The following DLG2 variants were observed in gnomAD, a reference collection of about 807,000 sequenced individuals.
The protein encoded by DLG2 is disks large homolog 2.
Under a neutral mutation model 132.5 loss-of-function variants are expected in DLG2, and 45 were observed. The ratio of observed to expected loss-of-function variants is 0.34; its 90% CI spans 0.27 to 0.44. DLG2 has a LOEUF of 0.44. Ranked by LOEUF, DLG2 falls within the 20% of genes least tolerant of loss-of-function variation. The pLI, the probability that DLG2 is intolerant of heterozygous loss-of-function variation, is 1.00. For missense variants in DLG2, 1,045 were observed against 1,196.9 expected, an observed-to-expected ratio of 0.87 and a Z score of 1.87; for synonymous variants, 424 against 419.6, an observed-to-expected ratio of 1.01 and a Z score of -0.13.
intron 19 of DLG2, among the ~76,000 whole-genome samples, chr11:83,606,986 T>C (rs562449747): frequency 9.1e-4 from 138 of 152,254 alleles, no homozygotes; most frequent in Non-Finnish European, 1.3e-3. Flanking sequence ...AGGAGTTTAA[T>C]TGAGCAATGA....
At chr11:85,485,151 A>G (rs1003314847) in intron 3 of DLG2, among the ~76,000 whole-genome samples, 1 of 151,752 alleles carries the variant, frequency 6.6e-6, no homozygotes, top group Admixed American at 6.6e-5. Context: ...GAATTGAACA[A>G]TGAGAACACA....
intron 3 of DLG2, among the ~76,000 whole-genome samples, chr11:85,377,813 G>GTT (rs2085539953): frequency 7.1e-6 from 1 of 141,296 alleles, no homozygotes; most frequent in African/African-American, 2.6e-5. Context: ...ATGTGTGTGT[G>GTT]TGTGTGTGTG....
intron 3 of DLG2, among the ~76,000 whole-genome samples, chr11:85,320,162 T>TA (rs1202314224): frequency 6.6e-6 from 1 of 151,908 alleles, no homozygotes; most frequent in East Asian, 1.9e-4. Flanking sequence ...TATGCTGTGA[T>TA]AAAAATATTG....
chr11:85,363,731 GA>G lies in DLG2; in HGVS notation c.41-78367del, dbSNP rs541799051. Among the ~76,000 whole-genome samples the G allele has an allele frequency of 9.2e-5, 14 of 152,232 alleles. No individual in the cohort carries two copies. The South Asian group carries it at 2.9e-3, about 32-fold the overall frequency. ...CATCATGCTAGGATCTAGTCATTTG[GA>G]AAAAATTTTAAGTGCTTTGGCATTT... On this transcript the variant is annotated intron_variant, in intron 3 of 27. Transcript: ENST00000376104.
chr11:85,173,879 C>T (rs988505336), intron 4 of DLG2, among the ~76,000 whole-genome samples: 9 of 151,990 alleles, frequency 5.9e-5, no homozygotes, highest in Admixed American at 1.3e-4. Flanking sequence ...TAAAGAAGGG[C>T]GTTACACAAG....
intron 6 of DLG2, among the ~76,000 whole-genome samples, chr11:84,975,597 G>A (rs1340176805): frequency 6.6e-6 from 1 of 152,118 alleles, no homozygotes; most frequent in Non-Finnish European, 1.5e-5. Flanking sequence ...ACTGTCTTAT[G>A]TGAGGGGAAA....
At chr11:84,661,357 G>C (rs1196807197) in intron 6 of DLG2, among the ~76,000 whole-genome samples, 1 of 152,154 alleles carries the variant, frequency 6.6e-6, no homozygotes, top group African/African-American at 2.4e-5. Flanking sequence ...ATGTAGCTGA[G>C]AACCAGGTTA....
chr11:84,866,720 A>C (rs2084627554), intron 6 of DLG2, among the ~76,000 whole-genome samples: 1 of 152,300 alleles, frequency 6.6e-6, no homozygotes, highest in Non-Finnish European at 1.5e-5. Flanking sequence ...AACTTATCTC[A>C]TATTGTCTCA....
chr11:84,823,609 A>ACG (rs1386914139), intron 6 of DLG2, among the ~76,000 whole-genome samples: 1 of 150,752 alleles, frequency 6.6e-6, no homozygotes, highest in East Asian at 2.0e-4. Context: ...ACACACACAC[A>ACG]CACACACACA....
Position 83,577,592 on chromosome 11 carries a change from T to C in DLG2, c.1941-35734A>G, listed in dbSNP as rs1368928396. The stretch of plus-strand genomic sequence containing the variant: ...TATATATATATATATATATATCCTA[T>C]TTATAATAGGATATATATTATAACA... On this transcript the variant is annotated intron_variant, in intron 19 of 27. Coordinates refer to ENST00000376104, the MANE Select transcript of DLG2 (RefSeq NM_001142699.3). Among the ~76,000 whole-genome samples the C allele has an allele frequency of 8.6e-5, 6 of 69,866 alleles. No homozygotes were observed. The East Asian group carries it at 2.6e-3, about 30-fold the overall frequency. 45.8% of individuals were successfully genotyped at this position (69,866 alleles called of 152,430 possible). A position where few individuals can be genotyped will look rare whatever the true frequency, so the allele number is the denominator to read the frequency against.
chr11:83,946,687 T>C (rs894942978), intron 14 of DLG2, among the ~76,000 whole-genome samples: 2 of 152,250 alleles, frequency 1.3e-5, no homozygotes. Flanking sequence ...AAGTTCTTTT[T>C]TCAAGGGAAG....
chr11:84,151,793 A>C, intron 9 of DLG2, among the ~76,000 whole-genome samples: 1 of 152,150 alleles, frequency 6.6e-6, no homozygotes, highest in East Asian at 1.9e-4. Context: ...CCTTAATGTT[A>C]TTATTCACCC....
chr11:83,633,464 C>A, intron 18 of DLG2, 139 bp from the exon 19 acceptor site: 1 of 651,390 alleles, frequency 1.5e-6, no homozygotes, highest in South Asian at 1.8e-5. Context: ...AAGGGTATGC[C>A]TGTTTCCTAT....
intron 8 of DLG2, among the ~76,000 whole-genome samples, chr11:84,197,780 G>C (rs959342771): frequency 5.9e-5 from 9 of 152,108 alleles, no homozygotes; most frequent in African/African-American, 2.2e-4. Context: ...TAGATAAACA[G>C]CTAATCCTAA....
chr11:83,519,807 C>A (rs963516284), intron 21 of DLG2, among the ~76,000 whole-genome samples: 3 of 152,182 alleles, frequency 2.0e-5, no homozygotes, highest in Admixed American at 2.0e-4. Context: ...CTTTTACCTG[C>A]AACAAAGCAA....
At chr11:83,850,862 A>G (rs1285939130) in intron 16 of DLG2, among the ~76,000 whole-genome samples, 1 of 152,150 alleles carries the variant, frequency 6.6e-6, no homozygotes, top group Non-Finnish European at 1.5e-5. Flanking sequence ...TTATGTGTTG[A>G]ATTTTGTGTC....
At chr11:84,367,928 G>T (rs2154427038) in intron 7 of DLG2, among the ~76,000 whole-genome samples, 1 of 152,216 alleles carries the variant, frequency 6.6e-6, no homozygotes, top group South Asian at 2.1e-4. Flanking sequence ...ACTCTAGAAA[G>T]CTTTGATCAG....
intron 18 of DLG2, among the ~76,000 whole-genome samples, chr11:83,673,324 T>C (rs1188862272): frequency 3.9e-5 from 6 of 152,174 alleles, no homozygotes; most frequent in Non-Finnish European, 7.3e-5. Context: ...ACTTTGTCAA[T>C]AGGCTAAACA....
chr11:85,140,944 A>G (rs899334676), intron 5 of DLG2, among the ~76,000 whole-genome samples: 3 of 151,800 alleles, frequency 2.0e-5, no homozygotes, highest in Non-Finnish European at 4.4e-5. Flanking sequence ...TAATATTCCA[A>G]TGTGTACCAC....
Sources: gnomAD v4.1 joint callset for allele counts (sites outside exome capture counted in the v4.1 genomes callset) on GRCh38, gnomAD v4.1.1 for gene constraint, MANE v1.5 for transcripts, NCBI Gene and HGNC (gene_info 2026-07-23, HGNC 2026-07-21) for gene names.